The following WWOX variants were observed in gnomAD, a reference collection of about 807,000 sequenced individuals.
The protein encoded by WWOX is WW domain containing oxidoreductase.
In WWOX, 69 loss-of-function variants were observed where a neutral mutation model predicts 46.2. The ratio of observed to expected loss-of-function variants is 1.49; its 90% CI spans 1.23 to 1.82. The LOEUF (loss-of-function observed/expected upper bound fraction) is 1.82, where lower values mean the gene tolerates loss of function less well. Among genes scored for constraint, WWOX ranks in the 40% most tolerant of loss-of-function variants. WWOX has a pLI of 0.00. For synonymous variants in WWOX, 359 were observed against 202.6 expected, an observed-to-expected ratio of 1.77 and a Z score of -6.56; for missense variants, 919 against 542.6, an observed-to-expected ratio of 1.69 and a Z score of -6.89.
At chr16:79,021,536 C>G (rs1291112519) in intron 8 of WWOX, among the ~76,000 whole-genome samples, 1 of 152,150 alleles carries the variant, frequency 6.6e-6, no homozygotes, top group Non-Finnish European at 1.5e-5. Flanking sequence ...TTAAAGAACA[C>G]AGCTCATGGT....
At chr16:79,054,178 C>G (rs1210024502) in intron 8 of WWOX, among the ~76,000 whole-genome samples, 1 of 152,104 alleles carries the variant, frequency 6.6e-6, no homozygotes, top group Non-Finnish European at 1.5e-5. Flanking sequence ...CTGCATGTAC[C>G]AATATATAGC....
chr16:78,867,009 A>G lies in WWOX; in HGVS notation c.1057-344599A>G, dbSNP rs541655911. On this transcript the variant is annotated intron_variant, in intron 8 of 8. Coordinates refer to ENST00000566780, the MANE Select transcript of WWOX (RefSeq NM_016373.4). ...TTTGTGATTTGTCATAAACGCTCCT[A>G]TTGCAGGCTGGGTCTAGTCCTTCTT... Among the ~76,000 whole-genome samples, 21 of 152,320 alleles carry G rather than the reference A, an allele frequency of 1.4e-4. No individual in the cohort carries two copies. In the East Asian group the frequency reaches 1.7e-3, roughly 13 times the overall value.
intron 8 of WWOX, among the ~76,000 whole-genome samples, chr16:78,524,027 A>G (rs1347731779): frequency 6.6e-6 from 1 of 152,018 alleles, no homozygotes; most frequent in Admixed American, 6.6e-5. Context: ...TGTGGATCAC[A>G]TGGGAGCTTT....
intron 8 of WWOX, among the ~76,000 whole-genome samples, chr16:78,702,120 A>ATATATATATATATATATATATATT (rs1207718237): frequency 4.5e-4 from 59 of 129,998 alleles, no homozygotes; most frequent in African/African-American, 1.9e-3. Context: ...ATATATATAT[A>ATATATATATATATATATATATATT]TATTTATTTA....
chr16:78,703,434 A>C (rs1411192315), intron 8 of WWOX, among the ~76,000 whole-genome samples: 1 of 147,266 alleles, frequency 6.8e-6, no homozygotes, highest in African/African-American at 2.6e-5. Flanking sequence ...TGGGTAACAT[A>C]GAGACTCTGT....
At chr16:78,936,838 A>G (rs2045748287) in intron 8 of WWOX, among the ~76,000 whole-genome samples, 2 of 152,192 alleles carry the variant, frequency 1.3e-5, no homozygotes, top group Non-Finnish European at 2.9e-5. Flanking sequence ...AGGCTCACAT[A>G]AAATTCCAGG....
chr16:78,653,610 T>C (rs141013772), intron 8 of WWOX, among the ~76,000 whole-genome samples: 2,213 of 152,332 alleles, frequency 0.015, 33 homozygotes, highest in African/African-American at 0.034. Flanking sequence ...AGTTGCCAGC[T>C]TGGGTTTGGA....
In WWOX at chr16:78,433,048, G is replaced by A. The variant is rs2083261390; in HGVS notation, c.1056+296G>A. ...TTTGTTTGGTTTTGTTTTTTTTGGG[G>A]TTTTTTATTCAGAAACTTTGAAAAT... On this transcript the variant is annotated intron_variant, in intron 8 of 8. Coordinates refer to ENST00000566780, the MANE Select transcript of WWOX (RefSeq NM_016373.4). 1.3e-5 allele frequency among the ~76,000 whole-genome samples: 2 copies of A among 152,012 alleles called. 1 individual carries two copies. Among genetic ancestry groups the A allele is most frequent in the Admixed American group, 1.3e-4 (2 of 15,260 alleles).
intron 6 of WWOX, among the ~76,000 whole-genome samples, chr16:78,419,593 C>T (rs2082875323): frequency 9.1e-6 from 1 of 110,148 alleles, no homozygotes; most frequent in Non-Finnish European, 1.7e-5. Context: ...GAGATTAGAT[C>T]ACACTTGCAT....
At chr16:78,811,473 T>G (rs1455321194) in intron 8 of WWOX, among the ~76,000 whole-genome samples, 2 of 152,016 alleles carry the variant, frequency 1.3e-5, no homozygotes, top group African/African-American at 4.8e-5. Context: ...TCTCCTCTCC[T>G]GTCCTTTCTC....
chr16:78,677,351 C>A (rs1005454465), intron 8 of WWOX, among the ~76,000 whole-genome samples: 1 of 152,196 alleles, frequency 6.6e-6, no homozygotes, highest in Non-Finnish European at 1.5e-5. Flanking sequence ...AGATTACATA[C>A]ATCCTGAAAA....
chr16:78,441,182 A>G (rs1444664723), intron 8 of WWOX, among the ~76,000 whole-genome samples: 1 of 152,098 alleles, frequency 6.6e-6, no homozygotes, highest in Non-Finnish European at 1.5e-5. Flanking sequence ...TCAGCCTCCC[A>G]AAGTGCTGGG....
At chr16:78,700,096 ATTT>A (rs766345232) in intron 8 of WWOX, among the ~76,000 whole-genome samples, 3 of 151,080 alleles carry the variant, frequency 2.0e-5, no homozygotes, top group Non-Finnish European at 4.4e-5. Context: ...TCCTAGGGTC[ATTT>A]TTTTCAACCC....
rs145199050 is a variant in WWOX at position 78,459,457 on chromosome 16, C to T, written c.1056+26705C>T. On this transcript the variant is annotated intron_variant, in intron 8 of 8. Coordinates refer to ENST00000566780, the MANE Select transcript of WWOX (RefSeq NM_016373.4). The stretch of plus-strand genomic sequence containing the variant: ...CTTTTCCTCCTCTTGTATCCGTTTT[C>T]TTCCTTTTCTAACTATCAAGGTCAT... Among the ~76,000 whole-genome samples the T allele has an allele frequency of 7.0e-3, 1,059 of 152,322 alleles. 4 individuals are homozygous for T. The highest frequency in any genetic ancestry group is 0.014 in the Middle Eastern group (4 of 294).
chr16:78,670,030 A>T (rs982084830), intron 8 of WWOX, among the ~76,000 whole-genome samples: 1 of 152,076 alleles, frequency 6.6e-6, no homozygotes, highest in Non-Finnish European at 1.5e-5. Context: ...TTTTTCCTCC[A>T]GAGGCAGGAA....
intron 8 of WWOX, among the ~76,000 whole-genome samples, chr16:78,731,103 G>T (rs185266047): frequency 3.3e-5 from 5 of 152,120 alleles, no homozygotes; most frequent in African/African-American, 1.2e-4. Flanking sequence ...GAAATTGCTT[G>T]CTTTTGTTTT....
intron 8 of WWOX, among the ~76,000 whole-genome samples, chr16:79,023,823 G>A (rs530561473): frequency 1.3e-5 from 2 of 151,974 alleles, no homozygotes; most frequent in East Asian, 3.9e-4. Context: ...AGACATGGTG[G>A]TGCAGGCCTG....
intron 8 of WWOX, among the ~76,000 whole-genome samples, chr16:79,196,134 G>C (rs949419075): frequency 3.3e-5 from 5 of 152,200 alleles, no homozygotes; most frequent in Admixed American, 2.0e-4. Flanking sequence ...TTACAGAAGT[G>C]CAGTGTGAGC....
chr16:79,058,610 C>T (rs890777239), intron 8 of WWOX, among the ~76,000 whole-genome samples: 1 of 152,142 alleles, frequency 6.6e-6, no homozygotes, highest in East Asian at 1.9e-4. Context: ...CTTTATGAAG[C>T]TGGCCTAATC....
Sources: gnomAD v4.1 joint callset for allele counts (sites outside exome capture counted in the v4.1 genomes callset) on GRCh38, gnomAD v4.1.1 for gene constraint, MANE v1.5 for transcripts, NCBI Gene and HGNC (gene_info 2026-07-23, HGNC 2026-07-21) for gene names.